PRG4: variants seen among roughly 807,000 people sequenced by gnomAD.
The protein encoded by PRG4 is proteoglycan 4, also known as articular superficial zone protein.
In PRG4, 61 loss-of-function variants were observed where a neutral mutation model predicts 91.2. The ratio of observed to expected loss-of-function variants is 0.67; its 90% CI spans 0.54 to 0.83. The LOEUF (loss-of-function observed/expected upper bound fraction) is 0.83. Ranked by LOEUF, PRG4 falls within the 40% of genes least tolerant of loss-of-function variation. PRG4 has a pLI of 0.00. For synonymous variants in PRG4, 576 were observed against 614.2 expected (o/e 0.94, Z 0.92); for missense variants, 1,564 against 1,714.2 (o/e 0.91, Z 1.55).
chr1:186,300,126 T>C lies in PRG4; in HGVS notation c.112T>C (p.Tyr38His). The change falls in exon 3 of 13, where the codon TAT (tyrosine) becomes CAT (histidine). Residue 38 changes from tyrosine to histidine, a missense_variant. This residue lies in a region of PRG4 where 437 missense variants were observed against 459.0 expected (regional missense o/e 0.95). Coordinates refer to ENST00000445192, the MANE Select transcript of PRG4 (RefSeq NM_005807.6). ...CTGTGCAGGGAGATGTGGGGAAGGG[T>C]ATTCTAGAGATGCCACCTGCAACTG... ...SSCAGRCGEG[Y>H]SRDATCNCDY... is the part of the protein sequence containing the mutation. 6.2e-7 allele frequency: 1 copy of C among 1,613,934 alleles called. No individual in the cohort carries two copies. The highest frequency in any genetic ancestry group is 8.5e-7 in the Non-Finnish European group (1 of 1,179,816).
At position 186,307,594 on chromosome 1, in the gene PRG4, G is replaced by GCCCACCACCCCCGAGAAGCTCGCA. The variant is rs750844323; in HGVS notation, c.1887_1910dup (p.Leu632_Lys639dup). On this transcript the variant is annotated inframe_insertion, in exon 7 of 13. Coordinates refer to ENST00000445192, the MANE Select transcript of PRG4 (RefSeq NM_005807.6). ...CACCCACCACCCCCAAGAAGCTCAC[G>GCCCACCACCCCCGAGAAGCTCGCA]CCCACCACCCCCGAGAAGCTCGCAC... is the stretch of plus-strand genomic sequence containing the variant. The GCCCACCACCCCCGAGAAGCTCGCA allele has an allele frequency of 1.2e-5, 12 of 1,020,306 alleles. No individual in the cohort carries two copies. In the South Asian group the frequency reaches 1.6e-4, roughly 14 times the overall value. 63.2% of individuals were successfully genotyped at this position (1,020,306 alleles called of 1,614,324 possible).
chr1:186,311,675 T>G (rs1657249981), intron 10 of PRG4, 79 bp downstream of exon 10: 1 of 1,400,604 alleles, frequency 7.1e-7, no homozygotes, highest in African/African-American at 1.4e-5. Flanking sequence ...TTGACTTTAC[T>G]GTCAAAAGAT....
intron 4 of PRG4, among the ~76,000 whole-genome samples, chr1:186,303,671 C>T (rs547766256): frequency 1.3e-5 from 2 of 151,466 alleles, no homozygotes; most frequent in South Asian, 4.2e-4. Flanking sequence ...GAACAAAAGG[C>T]AAATTGGCAT....
chr1:186,304,783 T>G lies in PRG4; in HGVS notation c.470-11T>G, dbSNP rs977783940. ...CAGTTGGTGTGATCAAACTTTCTAT[T>G]TGATTTATAGAACATTCTGTTTCTG... is the stretch of plus-strand genomic sequence containing the variant. On this transcript the variant is annotated splice_polypyrimidine_tract_variant and intron_variant, in intron 5 of 12. Coordinates refer to ENST00000445192, the MANE Select transcript of PRG4 (RefSeq NM_005807.6). The G allele has an allele frequency of 2.5e-6, 4 of 1,610,056 alleles. No individual in the cohort carries two copies. In the African/African-American group the frequency reaches 5.3e-5, roughly 22 times the overall value.
chr1:186,311,983 C>A (rs942595139), intron 10 of PRG4, 192 bp from the exon 11 acceptor site: 5 of 579,412 alleles, frequency 8.6e-6, no homozygotes, highest in Non-Finnish European at 1.2e-5. Context: ...TGCATCTATT[C>A]ATTCAACAAG....
chr1:186,309,797 G>C lies in PRG4; in HGVS notation c.3426G>C (p.Glu1142Asp). The change falls in exon 8 of 13, where the codon GAG becomes GAC. Residue 1142 changes from glutamate to aspartate, a missense_variant. Around this residue, in one of 3 missense-constraint regions of PRG4, gnomAD observed 1,079 missense variants for 1,162.2 expected, o/e 0.93. Coordinates refer to ENST00000445192, the MANE Select transcript of PRG4 (RefSeq NM_005807.6). ...TGTTTTTGTTAATTTGTTTAGATGA[G>C]ACCAATATATGCAATGGTAAGCCAG... ...GIIINPMLSD[E>D]TNICNGKPVD... The C allele has an allele frequency of 6.2e-7, 1 of 1,611,046 alleles. No homozygotes were observed. The highest frequency in any genetic ancestry group is 8.5e-7 in the Non-Finnish European group (1 of 1,177,372).
chr1:186,313,573 T>C, intron 12 of PRG4, 108 bp from the exon 13 acceptor site: 1 of 723,616 alleles, frequency 1.4e-6, no homozygotes, highest in Admixed American at 2.1e-5. Context: ...AAAACATCTC[T>C]ATTAAAATGA....
Position 186,301,612 on chromosome 1 carries a change from T to G in PRG4, c.220T>G (p.Cys74Gly). ...CTAELSCKGR[C>G]FESFERGREC... ...GGTAGAGCTTTCCTGTAAAGGCCGC[T>G]GCTTTGAGTCCTTCGAGAGAGGGAG... is the stretch of plus-strand genomic sequence containing the variant. The change falls in exon 4 of 13, where the codon TGC (cysteine) becomes GGC (glycine). Residue 74 changes from cysteine to glycine, a missense_variant. By Grantham distance (159) the Cys-to-Gly change is radical. Transcript: ENST00000445192. The G allele has an allele frequency of 6.2e-7, 1 of 1,614,078 alleles. No homozygotes were observed. The highest frequency in any genetic ancestry group is 8.5e-7 in the Non-Finnish European group (1 of 1,179,958).
intron 3 of PRG4, among the ~76,000 whole-genome samples, chr1:186,300,672 G>A (rs997984385): frequency 2.0e-5 from 3 of 152,182 alleles, no homozygotes. Context: ...ACTTTCTGAT[G>A]TTAACACGTT....
In PRG4 at chr1:186,308,922, T is replaced by C; in HGVS notation, c.3203T>C (p.Ile1068Thr). Reference sequence around the variant, plus strand: ...CCAGAATTGAACCCTACCTCAAGAATAGCAGAAGCCATGCTCCAAACCACC... The same window carrying C: ...CCAGAATTGAACCCTACCTCAAGAACAGCAGAAGCCATGCTCCAAACCACC... ...TMPELNPTSR[I>T]AEAMLQTTTR... is the part of the protein sequence containing the mutation. Residue 1068 changes from isoleucine (I) to threonine (T), a missense_variant, in exon 7 of 13, where the codon ATA becomes ACA. Ile to Thr is a moderately conservative substitution (Grantham distance 89). Transcript: ENST00000445192. The C allele has an allele frequency of 1.2e-6, 2 of 1,612,076 alleles. No homozygotes were observed. The highest frequency in any genetic ancestry group is 1.7e-6 in the Non-Finnish European group (2 of 1,179,352).
Position 186,308,503 on chromosome 1 carries a change from T to C in PRG4, c.2784T>C (p.Pro928=), listed in dbSNP as rs765156915. ...KTTERDLRTT[P]ETTTAAPKMT... ...CAGAAAGAGACTTACGTACTACACCTGAAACTACAACTGCTGCACCTAAGA... is the reference window on the plus strand; with the variant it reads ...CAGAAAGAGACTTACGTACTACACCCGAAACTACAACTGCTGCACCTAAGA... The change falls in exon 7 of 13, where the codon CCT becomes CCC. Residue 928 remains proline (P), a synonymous_variant. Transcript: ENST00000445192. 1.2e-6 allele frequency: 2 copies of C among 1,613,706 alleles called. No homozygotes were observed. Among genetic ancestry groups the C allele is most frequent in the African/African-American group, 1.3e-5 (1 of 74,990 alleles).
chr1:186,304,992 G>T, intron 6 of PRG4, 70 bp downstream of exon 6: 2 of 1,511,226 alleles, frequency 1.3e-6, no homozygotes, highest in South Asian at 2.3e-5. Flanking sequence ...TAAAAGTAAT[G>T]CGTGTTGGCA....
In PRG4 at chr1:186,308,950, C is replaced by A; in HGVS notation, c.3231C>A (p.Thr1077=). The A allele has an allele frequency of 6.2e-7, 1 of 1,608,714 alleles. No homozygotes were observed. The highest frequency in any genetic ancestry group is 8.5e-7 in the Non-Finnish European group (1 of 1,177,654). ...CAGAAGCCATGCTCCAAACCACCAC[C>A]AGACCTAACCAAACTCCAAACTCCA... The part of the protein sequence containing the change: ...RIAEAMLQTT[T]RPNQTPNSKL... Residue 1077 remains threonine, a synonymous_variant, in exon 7 of 13, where the codon ACC becomes ACA. Coordinates refer to ENST00000445192, the MANE Select transcript of PRG4 (RefSeq NM_005807.6).
chr1:186,309,160 T>A lies in PRG4; in HGVS notation c.3421+20T>A. The A allele has an allele frequency of 6.2e-7, 1 of 1,600,246 alleles. No homozygotes were observed. The highest frequency in any genetic ancestry group is 8.5e-7 in the Non-Finnish European group (1 of 1,170,942). ...TTTCCGGTATTAAGAATCAGTTATT[T>A]TCATTTTTAAAGCTGGTAATGTTAG... On this transcript the variant is annotated intron_variant, in intron 7 of 12. Transcript: ENST00000445192.
intron 4 of PRG4, among the ~76,000 whole-genome samples, chr1:186,302,035 TTGA>T (rs1309381532): frequency 6.6e-6 from 1 of 152,176 alleles, no homozygotes; most frequent in African/African-American, 2.4e-5. Flanking sequence ...ATCAAATCAC[TTGA>T]TGATTTCTTG....
At position 186,313,881 on chromosome 1, in the gene PRG4, T is replaced by G. The variant is rs780143162; in HGVS notation, c.*103T>G. On this transcript the variant is annotated 3_prime_UTR_variant, in exon 13 of 13. Transcript: ENST00000445192. ...AGAATATTGACATGAGTATACCAGTTTATATATAAAAATGTTTTTAAACTT... is the reference window on the plus strand; with the variant it reads ...AGAATATTGACATGAGTATACCAGTGTATATATAAAAATGTTTTTAAACTT... The G allele has an allele frequency of 2.4e-5, 35 of 1,487,354 alleles. No individual in the cohort carries two copies. Among genetic ancestry groups the G allele is most frequent in the Non-Finnish European group, 3.3e-5 (35 of 1,067,110 alleles). 92.1% of individuals were successfully genotyped at this position (1,487,354 alleles called of 1,614,324 possible). A position where few individuals can be genotyped will look rare whatever the true frequency, so the allele number is the denominator to read the frequency against.
Position 186,311,425 on chromosome 1 carries a change from CT to C in PRG4, c.3637-11del. ...CCCAAAGCTGATAACATAATTTTCT[CT>C]TTTAAATTATCAGGATTCTCAGTAC... On this transcript the variant is annotated splice_polypyrimidine_tract_variant and intron_variant, in intron 9 of 12. Coordinates refer to ENST00000445192, the MANE Select transcript of PRG4 (RefSeq NM_005807.6). 6.2e-7 allele frequency: 1 copy of C among 1,610,272 alleles called. No homozygotes were observed. The highest frequency in any genetic ancestry group is 2.2e-5 in the East Asian group (1 of 44,810).
chr1:186,301,508 A>G, intron 3 of PRG4, 84 bp from the exon 4 acceptor site: 1 of 1,584,148 alleles, frequency 6.3e-7, no homozygotes, highest in Non-Finnish European at 8.6e-7. Context: ...AACCTAGTCA[A>G]GTCTAAGGTG....
intron 2 of PRG4, 29 bp downstream of exon 2, chr1:186,296,980 T>C: frequency 1.3e-6 from 2 of 1,546,062 alleles, no homozygotes; most frequent in Non-Finnish European, 1.8e-6. Context: ...ATACTTTTAT[T>C]TAACAACTAT....
Sources: gnomAD v4.1 joint callset for allele counts (sites outside exome capture counted in the v4.1 genomes callset) on GRCh38, gnomAD v4.1.1 for gene constraint, gnomAD v4.1.1 regional missense constraint, MANE v1.5 for transcripts, NCBI Gene and HGNC (gene_info 2026-07-23, HGNC 2026-07-21) for gene names.